ZMYM6: variants seen among roughly 807,000 people sequenced by gnomAD.
The protein encoded by ZMYM6 is zinc finger MYM-type containing 6, also known as zinc finger MYM-type protein 6.
A neutral mutation model predicts 134.0 loss-of-function variants in ZMYM6; 90 were observed. The observed-to-expected ratio is 0.67, with a 90% CI of 0.57 to 0.80. ZMYM6 has a LOEUF of 0.80. ZMYM6 is among the 30% of genes least tolerant of loss of function. The probability of loss-of-function intolerance (pLI) is 0.00; values close to 1 mark genes in which losing one functional copy is unlikely to be tolerated. For missense variants in ZMYM6, 1,362 were observed against 1,533.9 expected (o/e 0.89, Z 1.87); for synonymous variants, 481 against 524.1 (o/e 0.92, Z 1.12).
chr1:35,014,956 C>A, intron 5 of ZMYM6, 32 bp downstream of exon 5: 1 of 1,609,862 alleles, frequency 6.2e-7, no homozygotes, highest in East Asian at 2.2e-5. Flanking sequence ...TCTCTTTCAG[C>A]AGAATCCCAA....
intron 2 of ZMYM6, among the ~76,000 whole-genome samples, chr1:35,022,771 T>C (rs1641333646): frequency 6.6e-6 from 1 of 152,150 alleles, no homozygotes; most frequent in Non-Finnish European, 1.5e-5. Flanking sequence ...ACATTCATCC[T>C]TCCCCCTACA....
At chr1:35,027,741 A>G (rs988247358) in intron 2 of ZMYM6, among the ~76,000 whole-genome samples, 1 of 152,122 alleles carries the variant, frequency 6.6e-6, no homozygotes, top group African/African-American at 2.4e-5. Flanking sequence ...AAACAAAAAA[A>G]AGAGAGAGAG....
chr1:35,014,136 T>C (rs1641140573), intron 6 of ZMYM6, among the ~76,000 whole-genome samples: 1 of 152,260 alleles, frequency 6.6e-6, no homozygotes, highest in Admixed American at 6.5e-5. Context: ...TGAGACAGTG[T>C]TGACCAAATA....
intron 2 of ZMYM6, among the ~76,000 whole-genome samples, chr1:35,027,162 G>C (rs1001344703): frequency 6.6e-6 from 1 of 152,194 alleles, no homozygotes; most frequent in Non-Finnish European, 1.5e-5. Context: ...ATGCAACCGA[G>C]TTTTAGAAGA....
chr1:35,017,637 A>G (rs1233302785), intron 4 of ZMYM6: 2 of 152,238 alleles, frequency 1.3e-5, no homozygotes, highest in Non-Finnish European at 2.9e-5. Flanking sequence ...AAAACTTAAG[A>G]TAAACCCTTA....
rs1161814959 is a variant in ZMYM6 at position 35,025,466 on chromosome 1, CAAAAAAAAAAAAA to C, written c.94-5012_94-5000del. On this transcript the variant is annotated intron_variant, in intron 2 of 15. Transcript: ENST00000357182. ...TGGGCTACAAAGCAAGACTCCATCC[CAAAAAAAAAAAAA>C]AAAAAAAAAGAAAGAAAAAAAAAAG... 4.4e-3 allele frequency among the ~76,000 whole-genome samples: 242 copies of C among 55,022 alleles called. 1 individual carries two copies. Among genetic ancestry groups the C allele is most frequent in the Admixed American group, 0.014 (58 of 4,166 alleles). 36.1% of individuals were successfully genotyped at this position (55,022 alleles called of 152,430 possible). A position where few individuals can be genotyped will look rare whatever the true frequency, so the allele number is the denominator to read the frequency against.
intron 12 of ZMYM6, among the ~76,000 whole-genome samples, chr1:35,005,954 A>G (rs1449471634): frequency 1.3e-5 from 2 of 152,246 alleles, no homozygotes; most frequent in Non-Finnish European, 2.9e-5. Flanking sequence ...GCAAAGAGCC[A>G]AAGCTCTGTC....
rs761347034 is a variant in ZMYM6 at position 35,005,218 on chromosome 1, T to C, written c.1868A>G (p.Asp623Gly). The change falls in exon 13 of 16, where the codon GAT (aspartate) becomes GGT (glycine). Residue 623 changes from aspartate to glycine, a missense_variant. Physicochemically the swap from Asp to Gly is moderately conservative, Grantham distance 94. Around this residue, in one of 3 missense-constraint regions of ZMYM6, gnomAD observed 824 missense variants for 940.9 expected, o/e 0.88. Transcript: ENST00000357182. ...AVTELPSART[D>G]TTPVITSVMS... ...CACACTGGTTATAACTGGTGTTGTA[T>C]CTGTCCTTGCAGAAGGGAGCTCCGT... is the stretch of plus-strand genomic sequence containing the variant. The C allele has an allele frequency of 6.2e-7, 1 of 1,614,202 alleles. No individual in the cohort carries two copies. Among genetic ancestry groups the C allele is most frequent in the Non-Finnish European group, 8.5e-7 (1 of 1,180,020 alleles).
intron 4 of ZMYM6, among the ~76,000 whole-genome samples, chr1:35,016,743 G>C (rs1309474984): frequency 6.6e-6 from 1 of 152,220 alleles, no homozygotes; most frequent in African/African-American, 2.4e-5. Flanking sequence ...GGCCAAGGCA[G>C]AAGGATTGCT....
At chr1:35,000,834 A>C (rs1259228153) in intron 14 of ZMYM6, among the ~76,000 whole-genome samples, 3 of 152,212 alleles carry the variant, frequency 2.0e-5, no homozygotes, top group African/African-American at 7.2e-5. Context: ...TTAAAAAAGA[A>C]GAAAAAGGTA....
At chr1:34,992,679 T>C (rs544770708) in intron 14 of ZMYM6, among the ~76,000 whole-genome samples, 42 of 144,284 alleles carry the variant, frequency 2.9e-4, no homozygotes, top group Admixed American at 6.9e-4. Flanking sequence ...TAAAAATATA[T>C]TTGTAAATAT....
At chr1:35,001,442 G>A (rs559227508) in intron 14 of ZMYM6, among the ~76,000 whole-genome samples, 7 of 152,112 alleles carry the variant, frequency 4.6e-5, no homozygotes, top group Admixed American at 2.6e-4. Context: ...CATGAAATAT[G>A]AGGTATATGT....
At chr1:34,994,993 G>GTA (rs1364859178) in intron 14 of ZMYM6, among the ~76,000 whole-genome samples, 2 of 135,706 alleles carry the variant, frequency 1.5e-5, no homozygotes, top group East Asian at 4.2e-4. Context: ...ATATCTATAT[G>GTA]TATATATGTA....
intron 14 of ZMYM6, 151 bp downstream of exon 14, chr1:35,003,817 C>T (rs1557568510): frequency 1.5e-6 from 1 of 657,758 alleles, no homozygotes; most frequent in Non-Finnish European, 2.7e-6. Flanking sequence ...ATGCCAGTCA[C>T]TTTACTGTTA....
In ZMYM6 at chr1:35,015,044, TAAC is replaced by T. The variant is rs1641155827; in HGVS notation, c.544_546del (p.Val182del). 4 of 1,613,914 alleles carry T rather than the reference TAAC, an allele frequency of 2.5e-6. No homozygotes were observed. The South Asian group carries it at 3.3e-5, about 13-fold the overall frequency. The stretch of plus-strand genomic sequence containing the variant: ...GTTGAAATGCTTTTGGTATATATGG[TAAC>T]AACAGGTTTTTTCTTTAGCTCATAA... On this transcript the variant is annotated inframe_deletion, in exon 5 of 16. Coordinates refer to ENST00000357182, the MANE Select transcript of ZMYM6 (RefSeq NM_007167.4).
rs763265217 is a variant in ZMYM6 at position 34,992,225 on chromosome 1, G to T, written c.2146+9C>A. 5 of 1,613,870 alleles carry T rather than the reference G, an allele frequency of 3.1e-6. No homozygotes were observed. The South Asian group carries it at 5.5e-5, about 18-fold the overall frequency. On this transcript the variant is annotated intron_variant, in intron 15 of 15. Coordinates refer to ENST00000357182, the MANE Select transcript of ZMYM6 (RefSeq NM_007167.4). ...AGCTTTGTACATGGGAACGCACAAGGATACATACCTGTCTGACATTCTTTG... is the reference window on the plus strand; with the variant it reads ...AGCTTTGTACATGGGAACGCACAAGTATACATACCTGTCTGACATTCTTTG...
intron 14 of ZMYM6, among the ~76,000 whole-genome samples, chr1:34,996,293 T>TA (rs921679700): frequency 1.1e-4 from 16 of 152,298 alleles, no homozygotes; most frequent in African/African-American, 3.6e-4. Flanking sequence ...TTAGTGTAGT[T>TA]AGATATTTTT....
chr1:34,993,851 T>A (rs1453507644), intron 14 of ZMYM6, among the ~76,000 whole-genome samples: 3 of 151,600 alleles, frequency 2.0e-5, no homozygotes, highest in Non-Finnish European at 4.4e-5. Context: ...GCCCGGCTAA[T>A]TTTTTTTGCA....
chr1:34,987,466 G>C lies in ZMYM6; in HGVS notation c.3616C>G (p.Gln1206Glu). Residue 1206 changes from glutamine (Q) to glutamate (E), a missense_variant, in exon 16 of 16, where the codon CAA becomes GAA. Physicochemically the swap from Gln to Glu is conservative, Grantham distance 29. Coordinates refer to ENST00000357182, the MANE Select transcript of ZMYM6 (RefSeq NM_007167.4). The stretch of plus-strand genomic sequence containing the variant: ...CACAAATTTCCTGAACGCAAGTCTT[G>C]TTCTGGTGGAAAACAGTCACTGAAC... ...QVFSDCFPPE[Q>E]DLRSGNLWII... 1 of 1,613,694 alleles carries C rather than the reference G, an allele frequency of 6.2e-7. No individual in the cohort carries two copies. Among genetic ancestry groups the C allele is most frequent in the African/African-American group, 1.3e-5 (1 of 75,030 alleles).
Sources: allele counts gnomAD v4.1 joint callset (sites outside exome capture counted in the v4.1 genomes callset), GRCh38; gene constraint gnomAD v4.1.1; regional missense constraint gnomAD v4.1.1; transcripts MANE v1.5; gene names NCBI Gene and HGNC (gene_info 2026-07-23, HGNC 2026-07-21).